Variants in ZBTB16 observed in about 807,000 individuals in gnomAD.
ZBTB16 encodes zinc finger and BTB domain-containing protein 16.
Under a neutral mutation model 56.8 loss-of-function variants are expected in ZBTB16, and 8 were observed. The ratio of observed to expected loss-of-function variants is 0.14; its 90% CI spans 0.08 to 0.25. The LOEUF is 0.25. ZBTB16 is among the 10% of genes least tolerant of loss of function. The pLI is 1.00. For missense variants in ZBTB16, 625 were observed against 903.0 expected, an observed-to-expected ratio of 0.69 and a Z score of 3.95; for synonymous variants, 363 against 368.5, an observed-to-expected ratio of 0.98 and a Z score of 0.17.
intron 3 of ZBTB16, among the ~76,000 whole-genome samples, chr11:114,186,141 T>C (rs1484472807): frequency 1.3e-5 from 2 of 152,116 alleles, no homozygotes; most frequent in African/African-American, 2.4e-5. Flanking sequence ...TCACCTACAG[T>C]TGGGGGCCCG....
chr11:114,087,963 G>A (rs1940022270), intron 2 of ZBTB16, among the ~76,000 whole-genome samples: 1 of 152,018 alleles, frequency 6.6e-6, no homozygotes, highest in South Asian at 2.1e-4. Flanking sequence ...CCCTTCCCAT[G>A]CCATATCCTT....
intron 3 of ZBTB16, among the ~76,000 whole-genome samples, chr11:114,165,945 A>G (rs929392325): frequency 6.6e-6 from 1 of 152,118 alleles, no homozygotes; most frequent in Non-Finnish European, 1.5e-5. Flanking sequence ...TGGAAACATC[A>G]TGGTATTTCA....
At chr11:114,125,282 A>G (rs758908037) in intron 2 of ZBTB16, among the ~76,000 whole-genome samples, 2 of 152,214 alleles carry the variant, frequency 1.3e-5, no homozygotes, top group African/African-American at 2.4e-5. Context: ...AAGTTTCAAG[A>G]ATAATACAGA....
intron 3 of ZBTB16, 70 bp from the exon 4 acceptor site, chr11:114,186,882 T>A: frequency 2.0e-6 from 3 of 1,474,060 alleles, no homozygotes; most frequent in Non-Finnish European, 2.8e-6. Context: ...CCTGCACAGT[T>A]GTGGCCCAGG....
In ZBTB16 at chr11:114,218,720, C is replaced by T. The variant is rs959307921; in HGVS notation, c.1454-23447C>T. ...CTTGTTTCTTTTTTGTTCTGTAACT[C>T]ATGACTGCAGTAGGTTTTTATTATT... is the stretch of plus-strand genomic sequence containing the variant. On this transcript the variant is annotated intron_variant, in intron 4 of 6. Transcript: ENST00000335953. 2.0e-5 allele frequency among the ~76,000 whole-genome samples: 3 copies of T among 152,296 alleles called. No individual in the cohort carries two copies. In the East Asian group the frequency reaches 5.8e-4, roughly 29 times the overall value.
intron 4 of ZBTB16, among the ~76,000 whole-genome samples, chr11:114,196,884 A>G (rs1230745159): frequency 6.6e-6 from 1 of 152,170 alleles, no homozygotes; most frequent in East Asian, 1.9e-4. Flanking sequence ...TTGCCAGAGA[A>G]AACTGAGTCC....
intron 4 of ZBTB16, among the ~76,000 whole-genome samples, chr11:114,241,598 C>T (rs1163700919): frequency 6.6e-6 from 1 of 152,190 alleles, no homozygotes; most frequent in Non-Finnish European, 1.5e-5. Context: ...TTCCATGAAA[C>T]CAGTCCCTTG....
chr11:114,130,731 T>G (rs1274771828), intron 2 of ZBTB16, among the ~76,000 whole-genome samples: 2 of 152,218 alleles, frequency 1.3e-5, no homozygotes. Flanking sequence ...CTAAATAAAA[T>G]AGATGCTTTC....
chr11:114,070,129 T>C (rs1359371509), intron 2 of ZBTB16, among the ~76,000 whole-genome samples: 2 of 137,088 alleles, frequency 1.5e-5, no homozygotes, highest in Admixed American at 7.7e-5. Flanking sequence ...TGAGACGGAG[T>C]CTCGCTCTGT....
intron 2 of ZBTB16, among the ~76,000 whole-genome samples, chr11:114,098,947 A>C (rs10488697): frequency 6.6e-6 from 1 of 152,146 alleles, no homozygotes; most frequent in Non-Finnish European, 1.5e-5. Flanking sequence ...CTTCTATGGC[A>C]CTGCCGAATT....
rs546681771 is a variant in ZBTB16 at position 114,251,483 on chromosome 11, C to T, written c.*928C>T. Among the ~76,000 whole-genome samples, 5 of 152,328 alleles carry T rather than the reference C, an allele frequency of 3.3e-5. No homozygotes were observed. Among genetic ancestry groups the T allele is most frequent in the South Asian group, 4.1e-4 (2 of 4,832 alleles). On this transcript the variant is annotated 3_prime_UTR_variant, in exon 7 of 7. Coordinates refer to ENST00000335953, the MANE Select transcript of ZBTB16 (RefSeq NM_006006.6). ...CCTACCAAACAAACCACAGTCCCTA[C>T]GTAGCCCTACTTCAGTCCCAGGAGA...
In ZBTB16 at chr11:114,254,953, G is replaced by A. The variant is rs1286321129; in HGVS notation, c.*4398G>A. On this transcript the variant is annotated 3_prime_UTR_variant, in exon 7 of 7. Transcript: ENST00000335953. Reference sequence around the variant, plus strand: ...GCAGGCCGGTTAGCCAGCAGCTGCGGCCTCCCCGGGCCCTTGGCATCCAAC... The same window carrying A: ...GCAGGCCGGTTAGCCAGCAGCTGCGACCTCCCCGGGCCCTTGGCATCCAAC... Among the ~76,000 whole-genome samples the A allele has an allele frequency of 1.3e-5, 2 of 152,212 alleles. No homozygotes were observed. Among genetic ancestry groups the A allele is most frequent in the Non-Finnish European group, 2.9e-5 (2 of 68,044 alleles).
At chr11:114,233,066 T>TGCGCGCGCGCGCGC (rs71063553) in intron 4 of ZBTB16, among the ~76,000 whole-genome samples, 14 of 94,384 alleles carry the variant, frequency 1.5e-4, no homozygotes, top group African/African-American at 3.9e-4. Context: ...CACATACGCA[T>TGCGCGCGCGCGCGC]GCGCGCGCGC....
At chr11:114,157,785 G>C (rs528060583) in intron 3 of ZBTB16, among the ~76,000 whole-genome samples, 3 of 152,062 alleles carry the variant, frequency 2.0e-5, no homozygotes, top group Non-Finnish European at 2.9e-5. Flanking sequence ...TCTTCCAGGC[G>C]CACGGATTTG....
intron 2 of ZBTB16, among the ~76,000 whole-genome samples, chr11:114,066,167 G>A (rs1449240340): frequency 1.3e-5 from 2 of 152,152 alleles, no homozygotes; most frequent in Admixed American, 6.5e-5. Flanking sequence ...GTTCAGGTAC[G>A]GGGGATGTGA....
chr11:114,152,426 C>G (rs1029642354), intron 2 of ZBTB16, among the ~76,000 whole-genome samples: 2 of 152,200 alleles, frequency 1.3e-5, no homozygotes, highest in Non-Finnish European at 2.9e-5. Context: ...TCAAAAGGTT[C>G]AGATTTGTTT....
At chr11:114,214,533 G>A (rs546476004) in intron 4 of ZBTB16, among the ~76,000 whole-genome samples, 28 of 152,280 alleles carry the variant, frequency 1.8e-4, no homozygotes, top group African/African-American at 6.5e-4. Flanking sequence ...GCTGAAGAGA[G>A]ATTCTATATC....
At chr11:114,179,813 C>T (rs953252346) in intron 3 of ZBTB16, among the ~76,000 whole-genome samples, 5 of 152,040 alleles carry the variant, frequency 3.3e-5, no homozygotes, top group African/African-American at 9.7e-5. Context: ...CTGCTTCCTT[C>T]CTGGATGCCG....
At chr11:114,193,446 A>C (rs1334648438) in intron 4 of ZBTB16, among the ~76,000 whole-genome samples, 1 of 152,164 alleles carries the variant, frequency 6.6e-6, no homozygotes, top group Non-Finnish European at 1.5e-5. Context: ...ATACAACAGC[A>C]GTTTTACCCT....
Sources: allele counts gnomAD v4.1 joint callset (sites outside exome capture counted in the v4.1 genomes callset), GRCh38; gene constraint gnomAD v4.1.1; transcripts MANE v1.5; gene names NCBI Gene and HGNC (gene_info 2026-07-23, HGNC 2026-07-21).